Variants in ANKRD11 observed in about 807,000 individuals in gnomAD.
ANKRD11 encodes ankyrin repeat domain-containing protein 11.
ANKRD11 carries 17 observed loss-of-function variants against 195.7 expected under a neutral mutation model. The ratio of observed to expected loss-of-function variants is 0.09; its 90% CI spans 0.06 to 0.13. The LOEUF (loss-of-function observed/expected upper bound fraction) is 0.13. Ranked by LOEUF, ANKRD11 falls within the 10% of genes least tolerant of loss-of-function variation. The pLI is 1.00. For synonymous variants in ANKRD11, 1,953 were observed against 1,528.1 expected (o/e 1.28, Z -6.49); for missense variants, 3,735 against 3,566.1 (o/e 1.05, Z -1.21).
intron 3 of ANKRD11, chr16:89,313,367 A>G (rs2036726483): frequency 7.8e-7 from 1 of 1,287,708 alleles, no homozygotes; most frequent in South Asian, 1.2e-5. Flanking sequence ...GTTCTTCCCG[A>G]GGCAGCTCAG....
chr16:89,305,781 C>T (rs1198940369), intron 3 of ANKRD11, among the ~76,000 whole-genome samples: 1 of 136,500 alleles, frequency 7.3e-6, no homozygotes, highest in African/African-American at 2.8e-5. Flanking sequence ...CCTCCCACTC[C>T]GCAGACACGC....
At chr16:89,417,488 G>A (rs2042354520) in intron 2 of ANKRD11, among the ~76,000 whole-genome samples, 1 of 152,142 alleles carries the variant, frequency 6.6e-6, no homozygotes, top group Non-Finnish European at 1.5e-5. Flanking sequence ...TCAGAGCCAA[G>A]GCCAAAGTCT....
chr16:89,470,158 G>A (rs147182347), intron 1 of ANKRD11, among the ~76,000 whole-genome samples: 252 of 151,958 alleles, frequency 1.7e-3, no homozygotes, highest in African/African-American at 5.5e-3. Context: ...TGCCTGCCCC[G>A]GCCTCCCAAA....
intron 6 of ANKRD11, among the ~76,000 whole-genome samples, chr16:89,289,758 A>G (rs1442288723): frequency 1.3e-5 from 2 of 152,274 alleles, no homozygotes; most frequent in East Asian, 3.8e-4. Context: ...TCTTACAGAT[A>G]GGCCAGGCAT....
intron 1 of ANKRD11, among the ~76,000 whole-genome samples, chr16:89,440,866 T>C (rs1417034157): frequency 6.6e-6 from 1 of 152,106 alleles, no homozygotes; most frequent in Non-Finnish European, 1.5e-5. Flanking sequence ...TGCGTGTGAG[T>C]GCGCATGAAT....
At chr16:89,443,942 A>G (rs566249430) in intron 1 of ANKRD11, among the ~76,000 whole-genome samples, 7 of 152,286 alleles carry the variant, frequency 4.6e-5, no homozygotes, top group Admixed American at 2.0e-4. Context: ...GTCAACACCG[A>G]AGGAGAGGTG....
At chr16:89,426,217 G>C (rs1567787918) in intron 1 of ANKRD11, among the ~76,000 whole-genome samples, 1 of 152,090 alleles carries the variant, frequency 6.6e-6, no homozygotes, top group Non-Finnish European at 1.5e-5. Flanking sequence ...AAAAAACAAA[G>C]GAAGCTGTAG....
chr16:89,347,392 G>A (rs1192706365), intron 2 of ANKRD11, among the ~76,000 whole-genome samples: 1 of 152,116 alleles, frequency 6.6e-6, no homozygotes, highest in Non-Finnish European at 1.5e-5. Context: ...GGCGGATCAC[G>A]AGGTCAGGAG....
chr16:89,390,765 G>A (rs1043442648), intron 2 of ANKRD11, among the ~76,000 whole-genome samples: 1 of 152,182 alleles, frequency 6.6e-6, no homozygotes, highest in African/African-American at 2.4e-5. Context: ...CAAAAACAAT[G>A]CTGCTGGTAA....
At chr16:89,434,048 G>A (rs990206521) in intron 1 of ANKRD11, among the ~76,000 whole-genome samples, 1 of 152,096 alleles carries the variant, frequency 6.6e-6, no homozygotes, top group Non-Finnish European at 1.5e-5. Flanking sequence ...CACCTACAGA[G>A]AAGGGAGGAT....
intron 1 of ANKRD11, among the ~76,000 whole-genome samples, chr16:89,475,234 C>G (rs1040364047): frequency 6.6e-6 from 1 of 152,158 alleles, no homozygotes. Context: ...GAGAACAAAG[C>G]CCACAGCATT....
intron 1 of ANKRD11, among the ~76,000 whole-genome samples, chr16:89,450,899 C>T (rs982321020): frequency 2.6e-5 from 4 of 152,154 alleles, no homozygotes; most frequent in Non-Finnish European, 2.9e-5. Flanking sequence ...TGTAAATGAC[C>T]ACGTGGCCCA....
chr16:89,289,422 T>A (rs1485585802), intron 6 of ANKRD11, among the ~76,000 whole-genome samples: 1 of 152,138 alleles, frequency 6.6e-6, no homozygotes, highest in South Asian at 2.1e-4. Flanking sequence ...TCCTGGGATA[T>A]GTGGACCACT....
chr16:89,328,535 C>T (rs1419186908), intron 2 of ANKRD11, among the ~76,000 whole-genome samples: 1 of 151,848 alleles, frequency 6.6e-6, no homozygotes, highest in African/African-American at 2.4e-5. Context: ...TACACCCAAG[C>T]GTATGGGTGA....
At chr16:89,410,831 G>A (rs1222248853) in intron 2 of ANKRD11, among the ~76,000 whole-genome samples, 3 of 152,236 alleles carry the variant, frequency 2.0e-5, no homozygotes, top group African/African-American at 7.2e-5. Context: ...GAAGGGGGTG[G>A]GGAGTGGCCA....
At chr16:89,474,059 A>C (rs2057177054) in intron 1 of ANKRD11, among the ~76,000 whole-genome samples, 1 of 152,118 alleles carries the variant, frequency 6.6e-6, no homozygotes, top group Non-Finnish European at 1.5e-5. Context: ...TCAAGAGGAG[A>C]CCTCAAGGGA....
chr16:89,428,345 G>A (rs549100749), intron 1 of ANKRD11, among the ~76,000 whole-genome samples: 3 of 152,194 alleles, frequency 2.0e-5, no homozygotes, highest in African/African-American at 4.8e-5. Context: ...CCAACACGGT[G>A]AAACCCCGTC....
intron 2 of ANKRD11, among the ~76,000 whole-genome samples, chr16:89,328,309 C>G (rs759596981): frequency 1.3e-5 from 2 of 152,284 alleles, no homozygotes; most frequent in Admixed American, 6.5e-5. Flanking sequence ...CCTAAGTGTG[C>G]GCTTGCTGCC....
intron 3 of ANKRD11, among the ~76,000 whole-genome samples, chr16:89,314,618 T>C (rs2036836589): frequency 6.6e-6 from 1 of 152,142 alleles, no homozygotes; most frequent in Admixed American, 6.5e-5. Context: ...ACGCCCAGCC[T>C]GCTGGTGTGT....
Sources: gnomAD v4.1 joint callset for allele counts (sites outside exome capture counted in the v4.1 genomes callset) on GRCh38, gnomAD v4.1.1 for gene constraint, MANE v1.5 for transcripts, NCBI Gene and HGNC (gene_info 2026-07-23, HGNC 2026-07-21) for gene names.